Variants in SORCS1 observed in about 807,000 individuals in gnomAD.
SORCS1 encodes the protein VPS10 domain-containing receptor SorCS1.
A neutral mutation model predicts 146.1 loss-of-function variants in SORCS1; 60 were observed. The observed-to-expected ratio is 0.41, with a 90% CI of 0.33 to 0.51. SORCS1 has a LOEUF of 0.51. Ranked by LOEUF, SORCS1 falls within the 20% of genes least tolerant of loss-of-function variation. The pLI is 0.21. For synonymous variants in SORCS1, 637 were observed against 584.0 expected (o/e 1.09, Z -1.31); for missense variants, 1,352 against 1,487.6 (o/e 0.91, Z 1.50).
At chr10:106,762,872 C>T (rs1400685057) in intron 4 of SORCS1, among the ~76,000 whole-genome samples, 2 of 152,132 alleles carry the variant, frequency 1.3e-5, no homozygotes, top group African/African-American at 4.8e-5. Flanking sequence ...CCAGTGTATA[C>T]ATGGCCTGCT....
intron 3 of SORCS1, among the ~76,000 whole-genome samples, chr10:106,802,495 C>A (rs1235234009): frequency 7.1e-6 from 1 of 140,904 alleles, no homozygotes; most frequent in Non-Finnish European, 1.6e-5. Context: ...CTAAACCCAG[C>A]TAATTTTTTT....
chr10:106,921,739 T>A (rs577798606), intron 2 of SORCS1, among the ~76,000 whole-genome samples: 15 of 152,090 alleles, frequency 9.9e-5, no homozygotes, highest in Non-Finnish European at 2.2e-4. Context: ...AACTATAAAC[T>A]CTGTCGGTAT....
At chr10:107,169,797 C>G in the SORCS1 span, among the ~76,000 whole-genome samples, 1 of 152,090 alleles carries the variant, frequency 6.6e-6, no homozygotes, top group East Asian at 1.9e-4. Context: ...ATCCTTTTCC[C>G]CCCTGTTTTG....
At chr10:107,157,146 A>C (rs1191547132) in intron 1 of SORCS1, among the ~76,000 whole-genome samples, 2 of 152,152 alleles carry the variant, frequency 1.3e-5, no homozygotes, top group Admixed American at 6.5e-5. Flanking sequence ...GCTTCAGACA[A>C]ACTACAAGGC....
chr10:107,041,790 A>G (rs1328229054), intron 1 of SORCS1, among the ~76,000 whole-genome samples: 1 of 152,182 alleles, frequency 6.6e-6, no homozygotes, highest in Non-Finnish European at 1.5e-5. Flanking sequence ...CAAGGCTTTC[A>G]GAGCATGTGT....
In SORCS1 at chr10:106,905,335, T is replaced by G. The variant is rs182695214; in HGVS notation, c.626+51178A>C. Among the ~76,000 whole-genome samples, 774 of 152,216 alleles carry G rather than the reference T, an allele frequency of 5.1e-3. 6 individuals carry two copies. Among genetic ancestry groups the G allele is most frequent in the Non-Finnish European group, 9.0e-3 (610 of 68,012 alleles). ...CACAATCTTTAAATTATAAATAGAT[T>G]CCTCTTTTCAATTCCATGTTGATAT... On this transcript the variant is annotated intron_variant, in intron 2 of 25. Transcript: ENST00000263054.
chr10:106,773,318 T>C (rs1387417750), intron 4 of SORCS1, among the ~76,000 whole-genome samples: 1 of 152,194 alleles, frequency 6.6e-6, no homozygotes, highest in South Asian at 2.1e-4. Context: ...ACACATCTCA[T>C]CAGTGCTAAA....
intron 2 of SORCS1, among the ~76,000 whole-genome samples, chr10:106,883,072 A>G (rs1013539320): frequency 1.1e-4 from 16 of 152,242 alleles, no homozygotes; most frequent in Non-Finnish European, 1.9e-4. Context: ...GTGTCCCAGC[A>G]TCTTTGGAGA....
At chr10:106,935,761 G>C (rs184484976) in intron 2 of SORCS1, among the ~76,000 whole-genome samples, 16 of 152,272 alleles carry the variant, frequency 1.1e-4, no homozygotes, top group Non-Finnish European at 1.9e-4. Flanking sequence ...TTAGAACACA[G>C]GACATGCTCA....
intron 1 of SORCS1, among the ~76,000 whole-genome samples, chr10:107,095,991 A>T (rs888841038): frequency 1.3e-5 from 2 of 152,208 alleles, no homozygotes; most frequent in Non-Finnish European, 2.9e-5. Flanking sequence ...TTTACAACTT[A>T]TCCAGGATTT....
At chr10:107,124,284 G>C (rs750646768) in intron 1 of SORCS1, among the ~76,000 whole-genome samples, 3 of 152,028 alleles carry the variant, frequency 2.0e-5, no homozygotes, top group Admixed American at 6.6e-5. Flanking sequence ...TTCATGACTC[G>C]TTCCAAAATT....
intron 1 of SORCS1, among the ~76,000 whole-genome samples, chr10:107,000,219 C>T (rs900947768): frequency 2.1e-4 from 32 of 152,296 alleles, no homozygotes; most frequent in South Asian, 1.0e-3. Flanking sequence ...GCAATGCACA[C>T]CCAGCAGTTG....
At chr10:106,888,718 A>G (rs1439422521) in intron 2 of SORCS1, among the ~76,000 whole-genome samples, 2 of 152,244 alleles carry the variant, frequency 1.3e-5, no homozygotes, top group African/African-American at 4.8e-5. Flanking sequence ...TCCTATTTGC[A>G]TGTCAAAAGA....
At chr10:107,064,110 T>C (rs1439618732) in intron 1 of SORCS1, among the ~76,000 whole-genome samples, 5 of 152,216 alleles carry the variant, frequency 3.3e-5, no homozygotes, top group African/African-American at 4.8e-5. Flanking sequence ...TAGACAGCAA[T>C]CTGTGGTTTT....
At chr10:106,629,918 C>T (rs1848337348) in intron 18 of SORCS1, among the ~76,000 whole-genome samples, 1 of 152,126 alleles carries the variant, frequency 6.6e-6, no homozygotes, top group Non-Finnish European at 1.5e-5. Flanking sequence ...GTGGCGCACG[C>T]CTATAGTCCC....
In SORCS1 at chr10:106,841,128, A is replaced by G. The variant is rs543896981; in HGVS notation, c.627-11455T>C. 1.4e-3 allele frequency among the ~76,000 whole-genome samples: 207 copies of G among 151,310 alleles called. 3 individuals are homozygous for G. Among genetic ancestry groups the G allele is most frequent in the Middle Eastern group, 3.4e-3 (1 of 294 alleles). The stretch of plus-strand genomic sequence containing the variant: ...CTCGGCCTCCAAAAGTGTTGGGATT[A>G]CAGGCATGAGCCACCCTGCCCAGCC... On this transcript the variant is annotated intron_variant, in intron 2 of 25. Transcript: ENST00000263054.
chr10:106,680,171 A>T (rs2135557817), intron 10 of SORCS1, among the ~76,000 whole-genome samples: 1 of 152,352 alleles, frequency 6.6e-6, no homozygotes, highest in East Asian at 1.9e-4. Context: ...TGCCTGAAGC[A>T]AAGATGGATA....
chr10:106,696,698 T>G (rs1589684065), intron 9 of SORCS1, among the ~76,000 whole-genome samples: 2 of 152,352 alleles, frequency 1.3e-5, no homozygotes, highest in Middle Eastern at 6.8e-3. Flanking sequence ...CCTTGTTTCC[T>G]CTTTTCATTT....
At chr10:106,763,012 G>A (rs977383134) in intron 4 of SORCS1, among the ~76,000 whole-genome samples, 1 of 151,960 alleles carries the variant, frequency 6.6e-6, no homozygotes, top group African/African-American at 2.4e-5. Flanking sequence ...TAAGCCCGGA[G>A]CTCTACTTCT....
Sources: allele counts gnomAD v4.1 joint callset (sites outside exome capture counted in the v4.1 genomes callset), GRCh38; gene constraint gnomAD v4.1.1; transcripts MANE v1.5; gene names NCBI Gene and HGNC (gene_info 2026-07-23, HGNC 2026-07-21).